TP63: variants seen among roughly 807,000 people sequenced by gnomAD.
The protein encoded by TP63 is tumor protein p63.
Under a neutral mutation model 82.8 loss-of-function variants are expected in TP63, and 17 were observed. The ratio of observed to expected loss-of-function variants is 0.21; its 90% CI spans 0.14 to 0.31. The LOEUF (loss-of-function observed/expected upper bound fraction) is 0.31, where lower values mean the gene tolerates loss of function less well. Ranked by LOEUF, TP63 falls within the 10% of genes least tolerant of loss-of-function variation. The pLI is 1.00. For synonymous variants in TP63, 330 were observed against 321.7 expected, an observed-to-expected ratio of 1.03 and a Z score of -0.28; for missense variants, 648 against 895.3, an observed-to-expected ratio of 0.72 and a Z score of 3.52.
intron 1 of TP63, among the ~76,000 whole-genome samples, chr3:189,699,767 T>A (rs533261001): frequency 3.3e-5 from 5 of 152,326 alleles, no homozygotes; most frequent in Non-Finnish European, 7.4e-5. Context: ...ACTTCTGTTA[T>A]TATAGATAAT....
chr3:189,828,498 T>A (rs560175497), intron 4 of TP63, among the ~76,000 whole-genome samples: 1 of 152,226 alleles, frequency 6.6e-6, no homozygotes, highest in Non-Finnish European at 1.5e-5. Flanking sequence ...GCCTTTTTGG[T>A]GCCATGCTTT....
chr3:189,745,117 T>A (rs2108512197), intron 3 of TP63, among the ~76,000 whole-genome samples: 1 of 152,326 alleles, frequency 6.6e-6, no homozygotes, highest in East Asian at 1.9e-4. Context: ...TTCAGGAAAT[T>A]GTCCTCTTCT....
chr3:189,660,659 G>A (rs1391131012), intron 1 of TP63, among the ~76,000 whole-genome samples: 1 of 151,954 alleles, frequency 6.6e-6, no homozygotes, highest in Non-Finnish European at 1.5e-5. Context: ...GGGCATTATG[G>A]CTATTACAAC....
At chr3:189,834,447 T>C (rs7653443) in intron 4 of TP63, among the ~76,000 whole-genome samples, 71,044 of 151,994 alleles carry the variant, frequency 0.47, 16,752 homozygotes, top group East Asian at 0.54. Context: ...GTGGAAAAAG[T>C]GGGCTTTGCA....
the TP63 span, among the ~76,000 whole-genome samples, chr3:189,603,818 C>A: frequency 6.6e-6 from 1 of 151,784 alleles, no homozygotes; most frequent in African/African-American, 2.4e-5. Flanking sequence ...AAGCTTTTAG[C>A]CCTCATTGGA....
At chr3:189,712,618 C>A (rs1159513330) in intron 1 of TP63, among the ~76,000 whole-genome samples, 2 of 152,104 alleles carry the variant, frequency 1.3e-5, no homozygotes, top group Admixed American at 6.6e-5. Flanking sequence ...ATTTAATCAC[C>A]TCCTCAAAAC....
intron 10 of TP63, among the ~76,000 whole-genome samples, chr3:189,878,693 G>A (rs1159028711): frequency 4.0e-5 from 6 of 150,596 alleles, no homozygotes; most frequent in Non-Finnish European, 5.9e-5. Context: ...CTCCCACAGT[G>A]CTGGGATTAC....
chr3:189,661,935 C>T (rs557971273), intron 1 of TP63, among the ~76,000 whole-genome samples: 4 of 151,934 alleles, frequency 2.6e-5, no homozygotes, highest in Admixed American at 6.6e-5. Context: ...TTTTTGATTG[C>T]GCTTATTTGG....
chr3:189,785,923 A>G (rs1724565770), intron 3 of TP63, among the ~76,000 whole-genome samples: 1 of 152,054 alleles, frequency 6.6e-6, no homozygotes, highest in Non-Finnish European at 1.5e-5. Context: ...TTATTAAAAC[A>G]TAGAAGGATT....
chr3:189,681,461 T>C (rs776555756), intron 1 of TP63, among the ~76,000 whole-genome samples: 1 of 152,212 alleles, frequency 6.6e-6, no homozygotes, highest in Non-Finnish European at 1.5e-5. Flanking sequence ...CTATTTACTT[T>C]ACCTCCTTTG....
At chr3:189,643,738 A>G (rs746409657) in intron 1 of TP63, among the ~76,000 whole-genome samples, 15 of 152,184 alleles carry the variant, frequency 9.9e-5, no homozygotes, top group Admixed American at 2.0e-4. Flanking sequence ...CTCTGAAAAC[A>G]TCTACATCGC....
At chr3:189,813,075 G>C (rs988108917) in intron 4 of TP63, among the ~76,000 whole-genome samples, 2 of 152,150 alleles carry the variant, frequency 1.3e-5, no homozygotes, top group African/African-American at 4.8e-5. Context: ...TGCAAGGAGA[G>C]GCCCTTTCCA....
At position 189,678,684 on chromosome 3, in the gene TP63, A is replaced by G. The variant is rs569794162; in HGVS notation, c.62+47107A>G. On this transcript the variant is annotated intron_variant, in intron 1 of 13. Coordinates refer to ENST00000264731, the MANE Select transcript of TP63 (RefSeq NM_003722.5). ...GTAGATTGTTTTGGGCCGTATGGTCATATCAATGATATTGATTCTTCTAAT... is the reference window on the plus strand; with the variant it reads ...GTAGATTGTTTTGGGCCGTATGGTCGTATCAATGATATTGATTCTTCTAAT... 4.6e-5 allele frequency among the ~76,000 whole-genome samples: 7 copies of G among 152,176 alleles called. No homozygotes were observed. The South Asian group carries it at 6.2e-4, about 14-fold the overall frequency.
chr3:189,809,329 CTT>C (rs1727281467), intron 4 of TP63, among the ~76,000 whole-genome samples: 1 of 152,036 alleles, frequency 6.6e-6, no homozygotes, highest in Non-Finnish European at 1.5e-5. Flanking sequence ...CTGTATATAA[CTT>C]TTCTAAGGAA....
chr3:189,675,932 G>GT (rs1715352087), intron 1 of TP63, among the ~76,000 whole-genome samples: 1 of 111,280 alleles, frequency 9.0e-6, no homozygotes, highest in Admixed American at 8.9e-5. Flanking sequence ...TTTTTTTCCA[G>GT]TAGAGCCAGA....
At chr3:189,620,462 A>G in the TP63 span, among the ~76,000 whole-genome samples, 1 of 140,670 alleles carries the variant, frequency 7.1e-6, no homozygotes. Flanking sequence ...GTGAGGTGAC[A>G]TTGCACCACT....
intron 10 of TP63, among the ~76,000 whole-genome samples, chr3:189,881,843 A>C (rs1361241137): frequency 6.6e-6 from 1 of 152,192 alleles, no homozygotes; most frequent in African/African-American, 2.4e-5. Flanking sequence ...CGCCAAATTT[A>C]CTAAAGTGAA....
intron 1 of TP63, among the ~76,000 whole-genome samples, chr3:189,660,478 G>C (rs919211287): frequency 1.3e-5 from 2 of 151,916 alleles, no homozygotes; most frequent in African/African-American, 2.4e-5. Context: ...CTAGCCTATA[G>C]TTTAAAGTTG....
At chr3:189,625,408 C>T in the TP63 span, among the ~76,000 whole-genome samples, 2 of 150,658 alleles carry the variant, frequency 1.3e-5, no homozygotes, top group Admixed American at 1.3e-4. Flanking sequence ...ATCTGTGTTA[C>T]GAAACACAAA....
Sources: gnomAD v4.1 joint callset for allele counts (sites outside exome capture counted in the v4.1 genomes callset) on GRCh38, gnomAD v4.1.1 for gene constraint, MANE v1.5 for transcripts, NCBI Gene and HGNC (gene_info 2026-07-23, HGNC 2026-07-21) for gene names.